PXK: variants seen among roughly 807,000 people sequenced by gnomAD.
The protein encoded by PXK is PX domain-containing protein kinase-like protein.
Under a neutral mutation model 84.7 loss-of-function variants are expected in PXK, and 35 were observed. The ratio of observed to expected loss-of-function variants is 0.41; its 90% CI spans 0.32 to 0.55. The LOEUF (loss-of-function observed/expected upper bound fraction) is 0.55, where lower values mean the gene tolerates loss of function less well. Ranked by LOEUF, PXK falls within the 20% of genes least tolerant of loss-of-function variation. The pLI is 0.21. For synonymous variants in PXK, 253 were observed against 260.8 expected (o/e 0.97, Z 0.29); for missense variants, 634 against 699.7 (o/e 0.91, Z 1.06).
chr3:58,359,142 T>G (rs1374440531), intron 1 of PXK, among the ~76,000 whole-genome samples: 1 of 152,144 alleles, frequency 6.6e-6, no homozygotes, highest in Non-Finnish European at 1.5e-5. Context: ...CTCAAAGCTA[T>G]GTAGTTTATA....
intron 1 of PXK, among the ~76,000 whole-genome samples, chr3:58,337,427 A>G (rs1248210239): frequency 2.0e-5 from 3 of 152,150 alleles, no homozygotes; most frequent in Non-Finnish European, 4.4e-5. Context: ...AGAATGGTGA[A>G]CCAGACAGCT....
intron 3 of PXK, among the ~76,000 whole-genome samples, chr3:58,372,928 A>G (rs1191835723): frequency 2.0e-5 from 3 of 152,170 alleles, no homozygotes; most frequent in African/African-American, 7.2e-5. Flanking sequence ...ATTAGCAGCC[A>G]TCTAGGGAGA....
At chr3:58,420,582 T>C in intron 17 of PXK, 1 of 1,536,074 alleles carries the variant, frequency 6.5e-7, no homozygotes, top group Non-Finnish European at 8.7e-7. Flanking sequence ...AAGTAAACTA[T>C]GCTGATTTCT....
intron 8 of PXK, 151 bp from the exon 9 acceptor site, chr3:58,395,507 A>T (rs895517884): frequency 1.6e-6 from 1 of 618,202 alleles, no homozygotes; most frequent in Admixed American, 3.1e-5. Flanking sequence ...TCTATCAACA[A>T]TGCAGACTGT....
In PXK at chr3:58,391,158, A is replaced by C. The variant is rs2098627723; in HGVS notation, c.478A>C (p.Arg160=). The stretch of plus-strand genomic sequence containing the variant: ...TGCTTTTATGGCAGGTTGGAGAATA[A>C]GGAAGAAATATTTCTTGATGAAGAT... ...EPLKDIGWRI[R]KKYFLMKIKN... The change falls in exon 6 of 18, where the codon AGG becomes CGG. Residue 160 remains arginine, a synonymous_variant. Coordinates refer to ENST00000356151, the MANE Select transcript of PXK (RefSeq NM_017771.5). The C allele has an allele frequency of 6.2e-7, 1 of 1,613,204 alleles. No individual in the cohort carries two copies. The highest frequency in any genetic ancestry group is 1.3e-5 in the African/African-American group (1 of 74,918).
intron 3 of PXK, among the ~76,000 whole-genome samples, chr3:58,378,945 C>G (rs906609600): frequency 6.6e-6 from 1 of 150,786 alleles, no homozygotes; most frequent in Non-Finnish European, 1.5e-5. Context: ...GTATTTGAGA[C>G]AGAGTTTTGC....
intron 1 of PXK, among the ~76,000 whole-genome samples, chr3:58,358,992 T>A (rs1249512157): frequency 6.6e-6 from 1 of 152,168 alleles, no homozygotes; most frequent in African/African-American, 2.4e-5. Context: ...ATGCAGTACC[T>A]TTTTCGTCAG....
At position 58,412,883 on chromosome 3, in the gene PXK, C is replaced by T. The variant is rs372356485; in HGVS notation, c.1466-18C>T. The T allele has an allele frequency of 7.4e-6, 12 of 1,613,940 alleles. No homozygotes were observed. The highest frequency in any genetic ancestry group is 1.0e-5 in the Non-Finnish European group (12 of 1,179,926). ...CTTTCGTTGGTCCCCATGAGGGTTT[C>T]TCTGTGTTTTATCTTAGCAGGATCT... On this transcript the variant is annotated intron_variant, in intron 16 of 17. Coordinates refer to ENST00000356151, the MANE Select transcript of PXK (RefSeq NM_017771.5). The surrounding 1 kb of genome is among the most constrained non-coding windows in gnomAD (Gnocchi z 6.2).
chr3:58,369,925 G>T (rs937197185), intron 3 of PXK, among the ~76,000 whole-genome samples: 9 of 151,462 alleles, frequency 5.9e-5, no homozygotes, highest in Non-Finnish European at 1.3e-4. Flanking sequence ...ACTTTATACA[G>T]ATGATGTAAA....
intron 3 of PXK, among the ~76,000 whole-genome samples, chr3:58,378,638 G>T (rs1320288410): frequency 6.7e-6 from 1 of 149,160 alleles, no homozygotes; most frequent in African/African-American, 2.5e-5. Context: ...AGGTTCAAGC[G>T]ATTCTCCTGC....
At chr3:58,342,016 G>A (rs1048513135) in intron 1 of PXK, among the ~76,000 whole-genome samples, 2 of 151,782 alleles carry the variant, frequency 1.3e-5, no homozygotes, top group Admixed American at 6.6e-5. Context: ...AAACTTTTCA[G>A]TACCCCAAAA....
At position 58,421,771 on chromosome 3, in the gene PXK, G is replaced by C; in HGVS notation, c.1529-2981G>C. On this transcript the variant is annotated intron_variant, in intron 17 of 17. Coordinates refer to ENST00000356151, the MANE Select transcript of PXK (RefSeq NM_017771.5). This position sits in a 1 kb window ranked among gnomAD's most constrained non-coding sequence, Gnocchi z 5.5. Reference sequence around the variant, plus strand: ...GGTGGAGAAGATTTTGGGGTGGGTAGAGTAAGTAGTTGGCTCTCAGGGATT... The same window carrying C: ...GGTGGAGAAGATTTTGGGGTGGGTACAGTAAGTAGTTGGCTCTCAGGGATT... The C allele has an allele frequency of 1.0e-6, 1 of 985,454 alleles. No individual in the cohort carries two copies. Among genetic ancestry groups the C allele is most frequent in the Non-Finnish European group, 1.2e-6 (1 of 829,928 alleles). 61.0% of individuals were successfully genotyped at this position (985,454 alleles called of 1,614,324 possible).
Position 58,397,164 on chromosome 3 carries a change from C to G in PXK, c.948C>G (p.Phe316Leu). The G allele has an allele frequency of 6.2e-7, 1 of 1,614,196 alleles. No homozygotes were observed. Reference protein sequence around the residue: ...LENSLLGLPSFYRSYFSQFRK... With the variant: ...LENSLLGLPSLYRSYFSQFRK... Reference sequence around the variant, plus strand: ...ATTCCTTATTGGGCCTGCCTTCCTTCTACCGATCTTATTTTTCACAATTCA... The same window carrying G: ...ATTCCTTATTGGGCCTGCCTTCCTTGTACCGATCTTATTTTTCACAATTCA... Residue 316 changes from phenylalanine to leucine, a missense_variant, in exon 10 of 18, where the codon TTC becomes TTG. By Grantham distance (22) the Phe-to-Leu change is conservative. Around this residue, in one of 3 missense-constraint regions of PXK, gnomAD observed 353 missense variants for 385.2 expected, o/e 0.92. Coordinates refer to ENST00000356151, the MANE Select transcript of PXK (RefSeq NM_017771.5). This position sits in a 1 kb window ranked among gnomAD's most constrained non-coding sequence, Gnocchi z 4.7.
intron 1 of PXK, among the ~76,000 whole-genome samples, chr3:58,336,071 A>ATATTTTTTTTTT (rs1284780630): frequency 5.8e-5 from 3 of 51,572 alleles, no homozygotes; most frequent in African/African-American, 3.0e-4. Flanking sequence ...ATATATATAT[A>ATATTTTTTTTTT]TTTTTTTTTT....
intron 17 of PXK, 69 bp downstream of exon 17, chr3:58,413,032 C>T: frequency 6.6e-7 from 1 of 1,523,690 alleles, no homozygotes; most frequent in South Asian, 1.1e-5. Flanking sequence ...TGTGCCTCTT[C>T]CTGCCTTGGC....
At chr3:58,389,547 G>A (rs148992924) in intron 4 of PXK, among the ~76,000 whole-genome samples, 7 of 152,166 alleles carry the variant, frequency 4.6e-5, no homozygotes, top group African/African-American at 1.4e-4. Context: ...AGTGGGCTGC[G>A]TGCAGTGGTT....
chr3:58,383,612 T>C lies in PXK; in HGVS notation c.388+912T>C, dbSNP rs2098525533. 6.6e-6 allele frequency among the ~76,000 whole-genome samples: 1 copy of C among 152,196 alleles called. No individual in the cohort carries two copies. Among genetic ancestry groups the C allele is most frequent in the Non-Finnish European group, 1.5e-5 (1 of 68,034 alleles). On this transcript the variant is annotated intron_variant, in intron 4 of 17. Coordinates refer to ENST00000356151, the MANE Select transcript of PXK (RefSeq NM_017771.5). The surrounding 1 kb of genome is among the most constrained non-coding windows in gnomAD (Gnocchi z 4.0). ...CCAAGGTACTGTGGTTGAAAGGGCT[T>C]CTCTTCCAGTACCGATTACACTCAA...
rs755436386 is a variant in PXK at position 58,395,709 on chromosome 3, C to G, written c.772C>G (p.Gln258Glu). 12 of 1,613,768 alleles carry G rather than the reference C, an allele frequency of 7.4e-6. No homozygotes were observed. Among genetic ancestry groups the G allele is most frequent in the Non-Finnish European group, 1.0e-5 (12 of 1,179,864 alleles). Residue 258 changes from glutamine to glutamate, a missense_variant, in exon 9 of 18, where the codon CAG (glutamine) becomes GAG (glutamate). Coordinates refer to ENST00000356151, the MANE Select transcript of PXK (RefSeq NM_017771.5). ...LKKYCNPKKI[Q>E]GLELQQIKTY... ...GAAGTACTGCAACCCTAAGAAGATT[C>G]AGGGCCTGGAACTCCAGCAAATAAA...
chr3:58,351,371 G>A (rs980715988), intron 1 of PXK, among the ~76,000 whole-genome samples: 12 of 150,636 alleles, frequency 8.0e-5, no homozygotes, highest in Non-Finnish European at 1.6e-4. Flanking sequence ...GAGACTACAG[G>A]TGTGCGCCAC....
Sources: allele counts gnomAD v4.1 joint callset (sites outside exome capture counted in the v4.1 genomes callset), GRCh38; gene constraint gnomAD v4.1.1; regional missense constraint gnomAD v4.1.1; non-coding constraint Gnocchi (gnomAD v3.1); transcripts MANE v1.5; gene names NCBI Gene and HGNC (gene_info 2026-07-23, HGNC 2026-07-21).